The following PLXDC2 variants were observed in gnomAD, a reference collection of about 807,000 sequenced individuals.
PLXDC2 encodes plexin domain-containing protein 2.
In PLXDC2, 40 loss-of-function variants were observed where a neutral mutation model predicts 68.9. That is an observed-to-expected ratio of 0.58 (90% CI 0.45 to 0.76). PLXDC2 has a LOEUF of 0.76. PLXDC2 is among the 30% of genes least tolerant of loss of function. The pLI is 0.00. For missense variants in PLXDC2, 644 were observed against 661.9 expected (o/e 0.97, Z 0.30); for synonymous variants, 243 against 234.2 (o/e 1.04, Z -0.34).
At position 19,824,584 on chromosome 10, in the gene PLXDC2, A is replaced by C. The variant is rs939554385; in HGVS notation, c.112+7393A>C. 4.6e-5 allele frequency among the ~76,000 whole-genome samples: 7 copies of C among 152,316 alleles called. No homozygotes were observed. The East Asian group carries it at 1.4e-3, about 29-fold the overall frequency. ...CATTCTGAGAGGTCTTTCTTCACTGAGTTCACACAGGATATCTTCCCTCAC... is the reference window on the plus strand; with the variant it reads ...CATTCTGAGAGGTCTTTCTTCACTGCGTTCACACAGGATATCTTCCCTCAC... On this transcript the variant is annotated intron_variant, in intron 1 of 13. Coordinates refer to ENST00000377252, the MANE Select transcript of PLXDC2 (RefSeq NM_032812.9).
At chr10:20,247,296 CAAAA>C (rs77665495) in intron 13 of PLXDC2, among the ~76,000 whole-genome samples, 1 of 96,532 alleles carries the variant, frequency 1.0e-5, no homozygotes, top group African/African-American at 3.5e-5. Context: ...TTCATCTCTA[CAAAA>C]AAAAAAAAAA....
At chr10:20,175,402 T>C (rs895563258) in intron 7 of PLXDC2, among the ~76,000 whole-genome samples, 1 of 152,192 alleles carries the variant, frequency 6.6e-6, no homozygotes, top group African/African-American at 2.4e-5. Flanking sequence ...TTAACCACTA[T>C]GACGCTCAGT....
chr10:20,081,117 A>T (rs536804069), intron 4 of PLXDC2, among the ~76,000 whole-genome samples: 5 of 152,212 alleles, frequency 3.3e-5, no homozygotes, highest in Non-Finnish European at 4.4e-5. Context: ...AGCCTTCTCC[A>T]GAACAAAGAC....
At chr10:20,003,952 G>A (rs77850616) in intron 2 of PLXDC2, among the ~76,000 whole-genome samples, 3 of 152,042 alleles carry the variant, frequency 2.0e-5, no homozygotes, top group South Asian at 4.1e-4. Context: ...TGCTCATTGC[G>A]TGCTGGTACA....
intron 1 of PLXDC2, among the ~76,000 whole-genome samples, chr10:19,946,103 G>A (rs1833896819): frequency 6.6e-6 from 1 of 152,124 alleles, no homozygotes; most frequent in South Asian, 2.1e-4. Context: ...TGAATTGGTT[G>A]TGGCATAACA....
intron 2 of PLXDC2, among the ~76,000 whole-genome samples, chr10:20,038,852 G>A (rs1199866384): frequency 6.6e-6 from 1 of 152,032 alleles, no homozygotes; most frequent in Non-Finnish European, 1.5e-5. Flanking sequence ...GAGATTCAGG[G>A]GTGGGAACTT....
At chr10:20,254,191 G>C (rs1019973930) in intron 13 of PLXDC2, among the ~76,000 whole-genome samples, 10 of 152,142 alleles carry the variant, frequency 6.6e-5, no homozygotes, top group Non-Finnish European at 1.0e-4. Flanking sequence ...TGGATCACAA[G>C]AACCTGTGGA....
At chr10:19,947,061 A>C (rs1250450257) in intron 1 of PLXDC2, among the ~76,000 whole-genome samples, 1 of 152,164 alleles carries the variant, frequency 6.6e-6, no homozygotes, top group Non-Finnish European at 1.5e-5. Flanking sequence ...GAGAGAATAA[A>C]GAAAGATTTG....
intron 1 of PLXDC2, among the ~76,000 whole-genome samples, chr10:19,971,786 G>A (rs564223836): frequency 3.3e-5 from 5 of 152,094 alleles, no homozygotes; most frequent in African/African-American, 1.2e-4. Context: ...TAACAAGCTG[G>A]GATTATAACA....
At chr10:19,874,549 G>A (rs1281169778) in intron 1 of PLXDC2, among the ~76,000 whole-genome samples, 1 of 152,186 alleles carries the variant, frequency 6.6e-6, no homozygotes, top group Non-Finnish European at 1.5e-5. Context: ...GTAGGTCTAA[G>A]AGAAGAATAA....
rs114206542 is a variant in PLXDC2, at chr10:19,893,454, C to T, written c.112+76263C>T. Among the ~76,000 whole-genome samples the T allele has an allele frequency of 2.9e-3, 437 of 152,278 alleles. 1 individual carries two copies. Among genetic ancestry groups the T allele is most frequent in the African/African-American group, 9.5e-3 (393 of 41,560 alleles). ...CCTGTGTGTGCATTTTTGTAATGGT[C>T]ATTCTCAGTCGTAAATGTCTTTAGA... On this transcript the variant is annotated intron_variant, in intron 1 of 13. Coordinates refer to ENST00000377252, the MANE Select transcript of PLXDC2 (RefSeq NM_032812.9).
intron 4 of PLXDC2, among the ~76,000 whole-genome samples, chr10:20,107,247 T>A (rs1035908538): frequency 2.0e-5 from 3 of 152,032 alleles, no homozygotes; most frequent in African/African-American, 7.2e-5. Context: ...TGTCAATGTG[T>A]CTGATTATTT....
intron 2 of PLXDC2, among the ~76,000 whole-genome samples, chr10:20,021,337 C>T (rs11595418): frequency 2.0e-5 from 3 of 151,880 alleles, no homozygotes; most frequent in Non-Finnish European, 4.4e-5. Context: ...TATACATGCC[C>T]TGGTGGTTTG....
intron 3 of PLXDC2, among the ~76,000 whole-genome samples, chr10:20,050,195 T>A (rs997851289): frequency 6.6e-6 from 1 of 152,070 alleles, no homozygotes; most frequent in African/African-American, 2.4e-5. Flanking sequence ...CCTTACACCA[T>A]ATACAAAAAA....
rs202078428 is a variant in PLXDC2, at chr10:19,830,750, T to TC, written c.112+13559_112+13560insC. Among the ~76,000 whole-genome samples the TC allele has an allele frequency of 2.4e-3, 371 of 152,086 alleles. 10 individuals carry two copies. The East Asian group carries it at 0.053, about 22-fold the overall frequency. On this transcript the variant is annotated intron_variant, in intron 1 of 13. Transcript: ENST00000377252. ...TCCGGAAAAGAGAAGGTTTTTTTTT[T>TC]TCCTGGGAGTTGTTGCATTGGGAAG...
At chr10:20,087,285 G>A (rs1222696428) in intron 4 of PLXDC2, among the ~76,000 whole-genome samples, 2 of 152,128 alleles carry the variant, frequency 1.3e-5, no homozygotes, top group South Asian at 4.1e-4. Flanking sequence ...GCTTGCAGAG[G>A]AGGTGTTCAT....
At chr10:19,829,870 A>G (rs1030945507) in intron 1 of PLXDC2, among the ~76,000 whole-genome samples, 26 of 152,228 alleles carry the variant, frequency 1.7e-4, no homozygotes, top group African/African-American at 5.8e-4. Context: ...GTCCAGTCAT[A>G]TACTAAGCTA....
At chr10:19,963,104 T>C (rs956797732) in intron 1 of PLXDC2, among the ~76,000 whole-genome samples, 3 of 152,180 alleles carry the variant, frequency 2.0e-5, no homozygotes, top group African/African-American at 7.2e-5. Context: ...CTGGATTCTT[T>C]CTGTTGGTAG....
intron 9 of PLXDC2, among the ~76,000 whole-genome samples, chr10:20,198,258 G>A (rs182011260): frequency 6.6e-6 from 1 of 152,042 alleles, no homozygotes; most frequent in Admixed American, 6.6e-5. Flanking sequence ...TTGTAGAAAG[G>A]CAATGCAAAA....
Sources: allele counts gnomAD v4.1 joint callset (sites outside exome capture counted in the v4.1 genomes callset), GRCh38; gene constraint gnomAD v4.1.1; transcripts MANE v1.5; gene names NCBI Gene and HGNC (gene_info 2026-07-23, HGNC 2026-07-21).